TRPS1: variants seen among roughly 807,000 people sequenced by gnomAD.
TRPS1 encodes the protein transcriptional repressor GATA binding 1, also known as zinc finger transcription factor Trps1.
Under a neutral mutation model 101.2 loss-of-function variants are expected in TRPS1, and 6 were observed. The observed-to-expected ratio is 0.06, with a 90% CI of 0.03 to 0.12. TRPS1 has a LOEUF of 0.12. Among genes scored for constraint, TRPS1 ranks in the 10% least tolerant of loss-of-function variants. The pLI is 1.00. For missense variants in TRPS1, 1,363 were observed against 1,567.0 expected (o/e 0.87, Z 2.20); for synonymous variants, 578 against 589.8 (o/e 0.98, Z 0.29).
At chr8:115,639,822 C>T (rs1312081672) in intron 1 of TRPS1, among the ~76,000 whole-genome samples, 1 of 152,100 alleles carries the variant, frequency 6.6e-6, no homozygotes. Flanking sequence ...GAGTGAGACC[C>T]TATCTCAAAA....
In TRPS1 at chr8:115,535,061, CAT is replaced by C. The variant is rs200623489; in HGVS notation, c.2700+51938_2700+51939del. Among the ~76,000 whole-genome samples, 1,058 of 145,996 alleles carry C rather than the reference CAT, an allele frequency of 7.2e-3. 11 individuals carry two copies. Among genetic ancestry groups the C allele is most frequent in the Non-Finnish European group, 8.3e-3 (551 of 66,764 alleles). On this transcript the variant is annotated intron_variant, in intron 5 of 6. Coordinates refer to ENST00000395715, the MANE Select transcript of TRPS1 (RefSeq NM_014112.5). The stretch of plus-strand genomic sequence containing the variant: ...TAGCATATATATAGCATATGTATAG[CAT>C]ATATATAAGCATATATATAGCATAT...
intron 5 of TRPS1, among the ~76,000 whole-genome samples, chr8:115,533,990 T>G (rs1394762295): frequency 1.3e-5 from 2 of 152,198 alleles, no homozygotes; most frequent in Admixed American, 6.5e-5. Context: ...ACCATCAGAC[T>G]GGAGATTGAA....
chr8:115,511,341 A>G (rs1815577811), intron 5 of TRPS1: 1 of 151,910 alleles, frequency 6.6e-6, no homozygotes, highest in South Asian at 2.1e-4. Context: ...ATATGTGTGC[A>G]TTGTATTGGC....
rs112836513 is a variant in TRPS1 at position 115,661,014 on chromosome 8, T to C, written c.-122+7531A>G. 8.3e-3 allele frequency among the ~76,000 whole-genome samples: 1,264 copies of C among 152,102 alleles called. 6 individuals carry two copies. The highest frequency in any genetic ancestry group is 0.011 in the Non-Finnish European group (746 of 67,888). ...ATTTCTACATAACGTTTTGAGATGA[T>C]AGAATTGTAAACTATAAAGTGGTAG... On this transcript the variant is annotated intron_variant, in intron 1 of 6. Transcript: ENST00000395715.
intron 5 of TRPS1, among the ~76,000 whole-genome samples, chr8:115,473,943 G>C (rs1814535467): frequency 6.6e-6 from 1 of 152,116 alleles, no homozygotes; most frequent in Non-Finnish European, 1.5e-5. Context: ...GAGTTCTTCA[G>C]TTTTCGGCAC....
chr8:115,637,505 AG>A (rs1818797527), intron 1 of TRPS1, among the ~76,000 whole-genome samples: 1 of 152,214 alleles, frequency 6.6e-6, no homozygotes, highest in African/African-American at 2.4e-5. Flanking sequence ...TCAGATAAAA[AG>A]ATGGGGTGAC....
intron 5 of TRPS1, among the ~76,000 whole-genome samples, chr8:115,461,251 GGATAGATAGATAGATA>G (rs67435707): frequency 1.5e-4 from 22 of 144,838 alleles, no homozygotes; most frequent in Non-Finnish European, 2.6e-4. Context: ...AAATAGACAA[GGATAGATAGATAGATA>G]GATAGATAGA....
intron 5 of TRPS1, among the ~76,000 whole-genome samples, chr8:115,454,874 A>G (rs1443592711): frequency 1.3e-5 from 2 of 152,158 alleles, no homozygotes; most frequent in Non-Finnish European, 2.9e-5. Context: ...AATTTTTCAT[A>G]GTAATTCATT....
chr8:115,496,742 A>T (rs2130124640), intron 5 of TRPS1, among the ~76,000 whole-genome samples: 1 of 152,302 alleles, frequency 6.6e-6, no homozygotes. Context: ...CAAAAAACTC[A>T]CTGAATTCTG....
At chr8:115,438,204 C>T (rs1051372354) in intron 5 of TRPS1, among the ~76,000 whole-genome samples, 3 of 147,094 alleles carry the variant, frequency 2.0e-5, no homozygotes, top group African/African-American at 8.1e-5. Context: ...TGAGACAACC[C>T]TGTGATATTT....
chr8:115,491,128 T>C (rs576866612), intron 5 of TRPS1, among the ~76,000 whole-genome samples: 30 of 152,274 alleles, frequency 2.0e-4, no homozygotes, highest in African/African-American at 7.2e-4. Flanking sequence ...ATCTAAACCC[T>C]TTACCTTGTA....
At chr8:115,426,305 TATATA>T (rs967781347) in intron 5 of TRPS1, among the ~76,000 whole-genome samples, 3 of 152,086 alleles carry the variant, frequency 2.0e-5, no homozygotes, top group African/African-American at 7.2e-5. Context: ...ATATTTTATT[TATATA>T]ATATATTTAA....
At chr8:115,666,718 T>C (rs1811929809) in intron 1 of TRPS1, among the ~76,000 whole-genome samples, 1 of 152,224 alleles carries the variant, frequency 6.6e-6, no homozygotes, top group Admixed American at 6.5e-5. Context: ...TGGAGGACTT[T>C]GAAGAATTGT....
At chr8:115,550,616 T>C (rs1426045204) in intron 5 of TRPS1, among the ~76,000 whole-genome samples, 1 of 152,214 alleles carries the variant, frequency 6.6e-6, no homozygotes, top group Non-Finnish European at 1.5e-5. Context: ...GTGACCTCTC[T>C]GGTACTGGAA....
chr8:115,517,579 A>G (rs1339073864), intron 5 of TRPS1, among the ~76,000 whole-genome samples: 1 of 151,430 alleles, frequency 6.6e-6, no homozygotes, highest in Non-Finnish European at 1.5e-5. Flanking sequence ...AAGAAGTCCT[A>G]TGATTCAATA....
chr8:115,455,737 G>C (rs578097448), intron 5 of TRPS1, among the ~76,000 whole-genome samples: 2 of 148,416 alleles, frequency 1.3e-5, no homozygotes, highest in South Asian at 4.3e-4. Flanking sequence ...TTTTTTCTAT[G>C]CCATATGGCT....
intron 4 of TRPS1, among the ~76,000 whole-genome samples, chr8:115,596,732 CATCT>C (rs1817795134): frequency 6.6e-6 from 1 of 151,168 alleles, no homozygotes; most frequent in Non-Finnish European, 1.5e-5. Flanking sequence ...TGTATACATA[CATCT>C]ATGTATGTGT....
At chr8:115,452,221 T>C (rs992072958) in intron 5 of TRPS1, among the ~76,000 whole-genome samples, 1 of 152,104 alleles carries the variant, frequency 6.6e-6, no homozygotes, top group African/African-American at 2.4e-5. Context: ...GACTTAGTAA[T>C]AAAGTGCTAA....
At chr8:115,532,756 C>T (rs149183753) in intron 5 of TRPS1, among the ~76,000 whole-genome samples, 1 of 152,244 alleles carries the variant, frequency 6.6e-6, no homozygotes, top group East Asian at 1.9e-4. Flanking sequence ...GTGAATAAAT[C>T]TGACTGGTCT....
Sources: gnomAD v4.1 joint callset for allele counts (sites outside exome capture counted in the v4.1 genomes callset) on GRCh38, gnomAD v4.1.1 for gene constraint, MANE v1.5 for transcripts, NCBI Gene and HGNC (gene_info 2026-07-23, HGNC 2026-07-21) for gene names.